Variants in SUSD6 observed in about 807,000 individuals in gnomAD.
SUSD6 encodes the protein sushi domain containing 6.
A neutral mutation model predicts 28.4 loss-of-function variants in SUSD6; 16 were observed. The observed-to-expected ratio is 0.56, with a 90% CI of 0.38 to 0.86. SUSD6 has a LOEUF of 0.86. Ranked by LOEUF, SUSD6 falls within the 40% of genes least tolerant of loss-of-function variation. The pLI, the probability that SUSD6 is intolerant of heterozygous loss-of-function variation, is 0.00. For missense variants in SUSD6, 341 were observed against 384.2 expected (o/e 0.89, Z 0.94); for synonymous variants, 147 against 159.6 (o/e 0.92, Z 0.59).
intron 3 of SUSD6, chr14:69,703,918 T>C: frequency 2.9e-6 from 1 of 339,604 alleles, no homozygotes; most frequent in Non-Finnish European, 5.5e-6. Context: ...TAATACCTTC[T>C]CTAATGTATC....
chr14:69,661,047 T>G (rs958868704), intron 2 of SUSD6, among the ~76,000 whole-genome samples: 1 of 152,198 alleles, frequency 6.6e-6, no homozygotes, highest in Non-Finnish European at 1.5e-5. Flanking sequence ...CAAAACCAGC[T>G]TGGGCTTCAG....
intron 1 of SUSD6, among the ~76,000 whole-genome samples, chr14:69,643,450 A>G (rs1182342708): frequency 6.6e-6 from 1 of 152,224 alleles, no homozygotes. Flanking sequence ...CTGTAACTTT[A>G]CCCATATTCT....
chr14:69,691,411 A>G lies in SUSD6; in HGVS notation c.122-11984A>G, dbSNP rs182362320. Among the ~76,000 whole-genome samples the G allele has an allele frequency of 2.4e-3, 372 of 152,282 alleles. 2 individuals carry two copies. The highest frequency in any genetic ancestry group is 2.4e-3 in the Non-Finnish European group (161 of 68,024). ...ACCCCTCAACTGCTGGTGTTTCTCAAAGACCTATGGTGTTTTGCTGATTTG... is the reference window on the plus strand; with the variant it reads ...ACCCCTCAACTGCTGGTGTTTCTCAGAGACCTATGGTGTTTTGCTGATTTG... On this transcript the variant is annotated intron_variant, in intron 2 of 5. Coordinates refer to ENST00000342745, the MANE Select transcript of SUSD6 (RefSeq NM_014734.4).
In SUSD6 at chr14:69,639,956, G is replaced by GTTTTTTTTT. The variant is rs11463756; in HGVS notation, c.-80-18542_-80-18534dup. 2.1e-4 allele frequency among the ~76,000 whole-genome samples: 17 copies of GTTTTTTTTT among 81,644 alleles called. 1 individual carries two copies. The highest frequency in any genetic ancestry group is 5.6e-4 in the African/African-American group (12 of 21,332). The allele number at this position is 81,644 out of a possible 152,430, so 53.6% of individuals were successfully genotyped here. On this transcript the variant is annotated intron_variant, in intron 1 of 5. Transcript: ENST00000342745. ...AGAGTCCCTCTGGGGCACCTACACT[G>GTTTTTTTTT]TTTTTTTTTTTTTTTTTTTTTTTGC...
chr14:69,611,945 G>A (rs1884881016), intron 1 of SUSD6, 117 bp downstream of exon 1: 1 of 150,678 alleles, frequency 6.6e-6, no homozygotes, highest in Admixed American at 6.6e-5. Flanking sequence ...GCTGGCCGGA[G>A]CCCGGGCCGG....
At chr14:69,629,049 C>A (rs56192566) in intron 1 of SUSD6, among the ~76,000 whole-genome samples, 2,773 of 151,652 alleles carry the variant, frequency 0.018, 80 homozygotes, top group African/African-American at 0.064. Flanking sequence ...TATGTGGATT[C>A]GAAAGTTGGG....
At chr14:69,707,036 G>A (rs947676035) in intron 4 of SUSD6, among the ~76,000 whole-genome samples, 17 of 151,296 alleles carry the variant, frequency 1.1e-4, no homozygotes, top group Non-Finnish European at 2.5e-4. Flanking sequence ...CCAATGTCAT[G>A]AAAGAAAAAC....
intron 2 of SUSD6, among the ~76,000 whole-genome samples, chr14:69,679,715 A>C (rs1195326050): frequency 6.6e-5 from 10 of 152,210 alleles, no homozygotes; most frequent in Non-Finnish European, 1.5e-4. Context: ...ACCTGAGAGC[A>C]AAGAGTTTGA....
At chr14:69,620,045 G>A (rs1413274270) in intron 1 of SUSD6, among the ~76,000 whole-genome samples, 1 of 152,224 alleles carries the variant, frequency 6.6e-6, no homozygotes, top group Non-Finnish European at 1.5e-5. Context: ...ACAGAGTCTT[G>A]TGTTTAGTGG....
At position 69,668,404 on chromosome 14, in the gene SUSD6, G is replaced by T. The variant is rs188300533; in HGVS notation, c.121+9691G>T. On this transcript the variant is annotated intron_variant, in intron 2 of 5. Coordinates refer to ENST00000342745, the MANE Select transcript of SUSD6 (RefSeq NM_014734.4). ...AATCCCAGCACTTTGGGAGGCTGAG[G>T]CGGGTATATCATTTGAGGTCAGGAG... Among the ~76,000 whole-genome samples, 74 of 152,278 alleles carry T rather than the reference G, an allele frequency of 4.9e-4. 1 individual carries two copies. The East Asian group carries it at 0.014, about 28-fold the overall frequency.
At chr14:69,649,231 C>A (rs1382448051) in intron 1 of SUSD6, among the ~76,000 whole-genome samples, 1 of 152,204 alleles carries the variant, frequency 6.6e-6, no homozygotes, top group Non-Finnish European at 1.5e-5. Context: ...ATCACCCAAG[C>A]CTTGCATAGA....
At chr14:69,709,149 C>G in intron 5 of SUSD6, 45 bp downstream of exon 5, 1 of 1,485,532 alleles carries the variant, frequency 6.7e-7, no homozygotes, top group Non-Finnish European at 9.1e-7. Context: ...GCTTAGGGTC[C>G]TTGCTGGGAG....
At chr14:69,667,380 T>C (rs954869535) in intron 2 of SUSD6, among the ~76,000 whole-genome samples, 1 of 141,700 alleles carries the variant, frequency 7.1e-6, no homozygotes. Flanking sequence ...CTTTTTTTTT[T>C]TTTTTTTTTT....
chr14:69,612,143 C>T (rs1448931339), intron 1 of SUSD6, among the ~76,000 whole-genome samples: 1 of 151,940 alleles, frequency 6.6e-6, no homozygotes, highest in Non-Finnish European at 1.5e-5. Context: ...CGCCGTCCCG[C>T]GTCGCTGCCC....
intron 1 of SUSD6, among the ~76,000 whole-genome samples, chr14:69,643,922 CTA>C (rs1885388525): frequency 6.6e-6 from 1 of 152,188 alleles, no homozygotes; most frequent in South Asian, 2.1e-4. Context: ...ACTCCAGAGA[CTA>C]TGTACTATTC....
chr14:69,670,124 G>A (rs1289021224), intron 2 of SUSD6, among the ~76,000 whole-genome samples: 2 of 152,226 alleles, frequency 1.3e-5, no homozygotes, highest in African/African-American at 4.8e-5. Flanking sequence ...AAGCAAGTAT[G>A]TGTTGACATA....
intron 1 of SUSD6, among the ~76,000 whole-genome samples, chr14:69,627,900 C>G (rs1885138053): frequency 6.6e-6 from 1 of 151,034 alleles, no homozygotes; most frequent in South Asian, 2.1e-4. Flanking sequence ...TCTTACTTTA[C>G]AGAGATTTTA....
At chr14:69,663,964 AC>A (rs1885699937) in intron 2 of SUSD6, among the ~76,000 whole-genome samples, 1 of 150,026 alleles carries the variant, frequency 6.7e-6, no homozygotes, top group African/African-American at 2.4e-5. Flanking sequence ...CATGTTTCCC[AC>A]TATGGTTGTT....
chr14:69,629,698 T>G (rs565087442), intron 1 of SUSD6, among the ~76,000 whole-genome samples: 1 of 152,222 alleles, frequency 6.6e-6, no homozygotes, highest in Non-Finnish European at 1.5e-5. Context: ...GGAATGATGA[T>G]TCTGTTTTGC....
Sources: allele counts gnomAD v4.1 joint callset (sites outside exome capture counted in the v4.1 genomes callset), GRCh38; gene constraint gnomAD v4.1.1; transcripts MANE v1.5; gene names NCBI Gene and HGNC (gene_info 2026-07-23, HGNC 2026-07-21).